SNRK: variants seen among roughly 807,000 people sequenced by gnomAD.
The protein encoded by SNRK is SNF-related serine/threonine-protein kinase.
A neutral mutation model predicts 48.2 loss-of-function variants in SNRK; 3 were observed. The ratio of observed to expected loss-of-function variants is 0.06; its 90% confidence interval spans 0.03 to 0.16. The LOEUF (loss-of-function observed/expected upper bound fraction) is 0.16. Ranked by LOEUF, SNRK falls within the 10% of genes least tolerant of loss-of-function variation. The probability of loss-of-function intolerance (pLI) is 1.00; values close to 1 mark genes in which losing one functional copy is unlikely to be tolerated. For missense variants in SNRK, 627 were observed against 976.0 expected (o/e 0.64, Z 4.76); for synonymous variants, 376 against 366.1 (o/e 1.03, Z -0.31).
rs184650926 is a variant in SNRK, at chr3:43,290,520, A to G, written c.-169+3845A>G. Among the ~76,000 whole-genome samples the G allele has an allele frequency of 2.4e-3, 362 of 152,216 alleles. 2 individuals are homozygous for G. The highest frequency in any genetic ancestry group is 7.5e-3 in the African/African-American group (312 of 41,536). On this transcript the variant is annotated intron_variant, in intron 1 of 6. Transcript: ENST00000296088. ...CCTGTGCATTGAGTTCTTGGATTCT[A>G]CTTCCAAAATGTGTCTCCTCCACAA...
rs749145259 is a variant in SNRK at position 43,303,668 on chromosome 3, G to A, written c.465G>A (p.Lys155=). 3 of 1,614,012 alleles carry A rather than the reference G, an allele frequency of 1.9e-6. No individual in the cohort carries two copies. The highest frequency in any genetic ancestry group is 2.5e-6 in the Non-Finnish European group (3 of 1,180,020). ...TCTTTGAAAAACAAGGTCTTGTAAA[G>A]TTGACAGACTTTGGGTTCAGCAACA... ...VVFFEKQGLV[K]LTDFGFSNKF... Residue 155 remains lysine (K), a synonymous_variant, in exon 3 of 7, where the codon AAG becomes AAA. Transcript: ENST00000296088. This position sits in a 1 kb window ranked among gnomAD's most constrained non-coding sequence, Gnocchi z 6.2.
intron 3 of SNRK, among the ~76,000 whole-genome samples, chr3:43,328,780 C>CA (rs1186567059): frequency 6.6e-6 from 1 of 152,114 alleles, no homozygotes; most frequent in Admixed American, 6.5e-5. Flanking sequence ...TTGAACTTAC[C>CA]TACTGTCTGT....
chr3:43,295,591 A>G (rs971579545), intron 1 of SNRK, among the ~76,000 whole-genome samples: 3 of 152,224 alleles, frequency 2.0e-5, no homozygotes, highest in African/African-American at 7.2e-5. Flanking sequence ...GCATAACCAC[A>G]TAGTAATACA....
intron 1 of SNRK, among the ~76,000 whole-genome samples, chr3:43,291,080 C>A (rs557946530): frequency 1.3e-5 from 2 of 152,000 alleles, no homozygotes; most frequent in Non-Finnish European, 2.9e-5. Flanking sequence ...TAAGCTGGGC[C>A]CTAGAGCATG....
At chr3:43,290,225 CAAG>C (rs2090800438) in intron 1 of SNRK, among the ~76,000 whole-genome samples, 2 of 152,112 alleles carry the variant, frequency 1.3e-5, no homozygotes, top group South Asian at 4.2e-4. Flanking sequence ...TAGTCTGTAC[CAAG>C]AAGTGTCTTG....
At chr3:43,338,634 T>A (rs1390040944) in intron 4 of SNRK, among the ~76,000 whole-genome samples, 1 of 152,248 alleles carries the variant, frequency 6.6e-6, no homozygotes, top group Non-Finnish European at 1.5e-5. Context: ...TTTTCTCATT[T>A]CCCTCACTCT....
At chr3:43,307,790 C>A (rs1197729658) in intron 3 of SNRK, among the ~76,000 whole-genome samples, 1 of 152,088 alleles carries the variant, frequency 6.6e-6, no homozygotes, top group Non-Finnish European at 1.5e-5. Context: ...TCTAAGTGTT[C>A]AAGTGAAAGG....
Position 43,341,257 on chromosome 3 carries a change from TCTC to T in SNRK, c.944+761_944+763del, listed in dbSNP as rs367781830. 8.2e-3 allele frequency among the ~76,000 whole-genome samples: 1,255 copies of T among 152,188 alleles called. 15 individuals are homozygous for T. Among genetic ancestry groups the T allele is most frequent in the African/African-American group, 0.029 (1,202 of 41,504 alleles). On this transcript the variant is annotated intron_variant, in intron 5 of 6. Transcript: ENST00000296088. The stretch of plus-strand genomic sequence containing the variant: ...GCTCCGCCTCCCGGGTTCACGCCAT[TCTC>T]CTGCCTCAGCCTCCCAAGTAGCTGG...
chr3:43,315,654 G>T (rs2091008311), intron 3 of SNRK, among the ~76,000 whole-genome samples: 1 of 152,164 alleles, frequency 6.6e-6, no homozygotes, highest in Admixed American at 6.5e-5. Flanking sequence ...AGGGAAAGAA[G>T]TTTGATCTAC....
chr3:43,313,459 A>G (rs575914664), intron 3 of SNRK, among the ~76,000 whole-genome samples: 60 of 152,332 alleles, frequency 3.9e-4, no homozygotes, highest in African/African-American at 1.4e-3. Context: ...GTTACATGCT[A>G]TATAATTCCA....
At chr3:43,290,914 A>C (rs2090806760) in intron 1 of SNRK, among the ~76,000 whole-genome samples, 1 of 152,206 alleles carries the variant, frequency 6.6e-6, no homozygotes. Context: ...AGTGGGGGAC[A>C]CAGATTATTA....
chr3:43,298,731 G>A (rs1330673063), intron 1 of SNRK, among the ~76,000 whole-genome samples: 1 of 152,284 alleles, frequency 6.6e-6, no homozygotes, highest in African/African-American at 2.4e-5. Flanking sequence ...TTATTTTCAT[G>A]GGAAGACCTG....
intron 3 of SNRK, among the ~76,000 whole-genome samples, chr3:43,313,310 C>CCG (rs1472114261): frequency 2.6e-5 from 4 of 152,086 alleles, no homozygotes; most frequent in African/African-American, 9.7e-5. Flanking sequence ...CTGGAAACAG[C>CCG]CCAGGTGTTA....
chr3:43,336,529 A>G (rs896722786), intron 4 of SNRK, among the ~76,000 whole-genome samples: 3 of 152,036 alleles, frequency 2.0e-5, no homozygotes, highest in African/African-American at 7.2e-5. Flanking sequence ...ACCGGGTCTC[A>G]CTATGTTGCC....
At position 43,303,367 on chromosome 3, in the gene SNRK, T is replaced by A. The variant is rs1429171638; in HGVS notation, c.164T>A (p.Leu55Gln). ...KVIDKTKLDTLATGHLFQEVR... is the reference protein window; with the variant it reads ...KVIDKTKLDTQATGHLFQEVR... The stretch of plus-strand genomic sequence containing the variant: ...ATTGACAAGACAAAACTGGACACTC[T>A]AGCTACTGGTCATCTTTTCCAGGAA... Residue 55 changes from leucine (L) to glutamine (Q), a missense_variant, in exon 3 of 7, where the codon CTA becomes CAA. Leu to Gln is a moderately radical substitution (Grantham distance 113, BLOSUM62 -2). This residue lies in a region of SNRK where 147 missense variants were observed against 356.8 expected (regional missense o/e 0.41). Coordinates refer to ENST00000296088, the MANE Select transcript of SNRK (RefSeq NM_017719.5). This position sits in a 1 kb window ranked among gnomAD's most constrained non-coding sequence, Gnocchi z 6.2. 1 of 1,614,194 alleles carries A rather than the reference T, an allele frequency of 6.2e-7. No homozygotes were observed. Among genetic ancestry groups the A allele is most frequent in the Non-Finnish European group, 8.5e-7 (1 of 1,180,026 alleles).
intron 6 of SNRK, 28 bp downstream of exon 6, chr3:43,343,506 G>C: frequency 1.3e-6 from 2 of 1,576,624 alleles, no homozygotes; most frequent in Non-Finnish European, 1.7e-6. Flanking sequence ...ACTGATTTTA[G>C]TAAGTTTAAC....
intron 3 of SNRK, among the ~76,000 whole-genome samples, chr3:43,316,969 T>C (rs2091017893): frequency 6.6e-6 from 1 of 152,338 alleles, no homozygotes; most frequent in East Asian, 1.9e-4. Context: ...TTTGCAGTTT[T>C]CTAAGGGCTC....
intron 1 of SNRK, among the ~76,000 whole-genome samples, chr3:43,289,991 G>A (rs1366727006): frequency 6.6e-6 from 1 of 152,158 alleles, no homozygotes; most frequent in Admixed American, 6.5e-5. Context: ...ATACCCTCTT[G>A]ACTAATATTT....
intron 3 of SNRK, among the ~76,000 whole-genome samples, chr3:43,320,566 A>C (rs2091046120): frequency 6.6e-6 from 1 of 152,216 alleles, no homozygotes; most frequent in Admixed American, 6.5e-5. Flanking sequence ...TGTTTTGTAT[A>C]TATACTAATG....
Sources: allele counts gnomAD v4.1 joint callset (sites outside exome capture counted in the v4.1 genomes callset), GRCh38; gene constraint gnomAD v4.1.1; regional missense constraint gnomAD v4.1.1; non-coding constraint Gnocchi (gnomAD v3.1); transcripts MANE v1.5; gene names NCBI Gene and HGNC (gene_info 2026-07-23, HGNC 2026-07-21).